The following ALDH1A2 variants were observed in gnomAD, a reference collection of about 807,000 sequenced individuals.
ALDH1A2 encodes the protein aldehyde dehydrogenase 1 family member A2.
Under a neutral mutation model 60.3 loss-of-function variants are expected in ALDH1A2, and 27 were observed. That is an observed-to-expected ratio of 0.45 (90% CI 0.33 to 0.62). The LOEUF is 0.62. Among genes scored for constraint, ALDH1A2 ranks in the 20% least tolerant of loss-of-function variants. The probability of loss-of-function intolerance (pLI) is 0.02; values close to 1 mark genes in which losing one functional copy is unlikely to be tolerated. For synonymous variants in ALDH1A2, 289 were observed against 232.4 expected, an observed-to-expected ratio of 1.24 and a Z score of -2.21; for missense variants, 581 against 643.8, an observed-to-expected ratio of 0.90 and a Z score of 1.06.
At chr15:57,967,072 C>T (rs1012044164) in intron 7 of ALDH1A2, among the ~76,000 whole-genome samples, 1 of 152,158 alleles carries the variant, frequency 6.6e-6, no homozygotes, top group Non-Finnish European at 1.5e-5. Context: ...CTTTCAACTC[C>T]TGCAGTCCCT....
At chr15:57,969,527 G>C (rs1291498462) in intron 7 of ALDH1A2, among the ~76,000 whole-genome samples, 3 of 152,134 alleles carry the variant, frequency 2.0e-5, no homozygotes, top group Non-Finnish European at 4.4e-5. Context: ...CAGGGATACT[G>C]TCCCTCCTGA....
chr15:57,982,410 T>C (rs1894546168), intron 7 of ALDH1A2, among the ~76,000 whole-genome samples: 5 of 152,218 alleles, frequency 3.3e-5, no homozygotes, highest in Admixed American at 3.3e-4. Context: ...AAAGTGATGA[T>C]TTCCTTTAGT....
intron 1 of ALDH1A2, among the ~76,000 whole-genome samples, chr15:58,061,864 T>C (rs1216883527): frequency 2.0e-5 from 3 of 152,140 alleles, no homozygotes; most frequent in African/African-American, 7.2e-5. Context: ...TCATCATCAT[T>C]ATTATTACAT....
At chr15:57,991,994 C>A (rs1894911780) in intron 7 of ALDH1A2, among the ~76,000 whole-genome samples, 1 of 152,048 alleles carries the variant, frequency 6.6e-6, no homozygotes, top group Non-Finnish European at 1.5e-5. Context: ...TCAAATATAC[C>A]CTGCTGTTTT....
At position 58,000,933 on chromosome 15, in the gene ALDH1A2, TTTTA is replaced by T. The variant is rs1330532045; in HGVS notation, c.494-5798_494-5795del. Among the ~76,000 whole-genome samples, 9 of 151,882 alleles carry T rather than the reference TTTTA, an allele frequency of 5.9e-5. No homozygotes were observed. The East Asian group carries it at 1.7e-3, about 30-fold the overall frequency. On this transcript the variant is annotated intron_variant, in intron 4 of 12. Transcript: ENST00000249750. ...TTGCTTCACAGTTGTCTGCCTTCAT[TTTTA>T]TTTATTTTTTGTCTCTCTAATAACT... is the stretch of plus-strand genomic sequence containing the variant.
chr15:57,964,117 C>T (rs778924533), intron 8 of ALDH1A2, 48 bp from the exon 9 acceptor site: 1 of 1,607,500 alleles, frequency 6.2e-7, no homozygotes, highest in Admixed American at 1.7e-5. Context: ...TGGGGAGGGG[C>T]CTGTCTATGA....
chr15:57,999,655 C>T (rs576603349), intron 4 of ALDH1A2, among the ~76,000 whole-genome samples: 3 of 152,082 alleles, frequency 2.0e-5, no homozygotes, highest in Admixed American at 2.0e-4. Flanking sequence ...GACAGTGTGG[C>T]AATTCCTCAA....
intron 1 of ALDH1A2, among the ~76,000 whole-genome samples, chr15:58,061,855 C>T (rs1342728134): frequency 1.3e-5 from 2 of 152,128 alleles, no homozygotes; most frequent in African/African-American, 4.8e-5. Flanking sequence ...TTATAATTAT[C>T]ATCATCATTA....
chr15:57,975,480 A>G (rs1187364826), intron 7 of ALDH1A2, among the ~76,000 whole-genome samples: 1 of 152,188 alleles, frequency 6.6e-6, no homozygotes, highest in East Asian at 1.9e-4. Context: ...CATTATACTT[A>G]CCAGTTGAGC....
chr15:57,984,632 A>ATTC (rs1237956451), intron 7 of ALDH1A2, among the ~76,000 whole-genome samples: 2 of 152,044 alleles, frequency 1.3e-5, no homozygotes, highest in African/African-American at 4.8e-5. Flanking sequence ...TTGTAACTGG[A>ATTC]TTCTTTCATT....
At chr15:57,964,272 G>A in intron 8 of ALDH1A2, 2 of 592,128 alleles carry the variant, frequency 3.4e-6, no homozygotes, top group Non-Finnish European at 6.0e-6. Context: ...ACTTCTTTGG[G>A]TCTCTTTCTT....
At chr15:58,000,202 A>G (rs1338862969) in intron 4 of ALDH1A2, among the ~76,000 whole-genome samples, 1 of 151,938 alleles carries the variant, frequency 6.6e-6, no homozygotes, top group Non-Finnish European at 1.5e-5. Flanking sequence ...CAGAACTAAA[A>G]TAAAATAAAG....
chr15:57,993,074 C>A lies in ALDH1A2; in HGVS notation c.556-1G>T. ...CAAACATCAGCAGGGGGAAGTTCCA[C>A]TGAAAGGAAAAAACTCAAAGTTGAT... On this transcript the variant is annotated splice_acceptor_variant, in intron 5 of 12. Coordinates refer to ENST00000249750, the MANE Select transcript of ALDH1A2 (RefSeq NM_003888.4). LOFTEE classifies it high-confidence loss of function. 6.2e-7 allele frequency: 1 copy of A among 1,612,028 alleles called. No individual in the cohort carries two copies. The highest frequency in any genetic ancestry group is 8.5e-7 in the Non-Finnish European group (1 of 1,179,876).
At chr15:58,027,710 T>C (rs1896117481) in intron 1 of ALDH1A2, among the ~76,000 whole-genome samples, 1 of 152,108 alleles carries the variant, frequency 6.6e-6, no homozygotes, top group Non-Finnish European at 1.5e-5. Flanking sequence ...TTAAATGACC[T>C]GATGGAGCTG....
intron 7 of ALDH1A2, among the ~76,000 whole-genome samples, chr15:57,978,228 T>A (rs1344778547): frequency 6.6e-6 from 1 of 152,234 alleles, no homozygotes; most frequent in Non-Finnish European, 1.5e-5. Context: ...TCCAATACTA[T>A]GCTGAATAGG....
At chr15:58,049,272 T>G (rs1896713474) in intron 1 of ALDH1A2, among the ~76,000 whole-genome samples, 1 of 152,108 alleles carries the variant, frequency 6.6e-6, no homozygotes, top group Non-Finnish European at 1.5e-5. Flanking sequence ...CATGATTTCT[T>G]TATGGGTCAT....
At chr15:57,956,437 G>T (rs1270684286) in intron 12 of ALDH1A2, among the ~76,000 whole-genome samples, 1 of 152,184 alleles carries the variant, frequency 6.6e-6, no homozygotes, top group Non-Finnish European at 1.5e-5. Context: ...ATTCATTCAG[G>T]TTCCTTTTAG....
intron 1 of ALDH1A2, among the ~76,000 whole-genome samples, chr15:58,053,517 T>C (rs186324723): frequency 2.4e-4 from 36 of 152,306 alleles, no homozygotes; most frequent in Admixed American, 1.4e-3. Context: ...GCAAAATGTT[T>C]GGTTTGTTTT....
At chr15:58,040,765 A>G (rs1896501129) in intron 1 of ALDH1A2, among the ~76,000 whole-genome samples, 1 of 152,098 alleles carries the variant, frequency 6.6e-6, no homozygotes, top group Admixed American at 6.6e-5. Flanking sequence ...AAATTGAGCA[A>G]GAGAATAATA....
Sources: gnomAD v4.1 joint callset for allele counts (sites outside exome capture counted in the v4.1 genomes callset) on GRCh38, gnomAD v4.1.1 for gene constraint, MANE v1.5 for transcripts, NCBI Gene and HGNC (gene_info 2026-07-23, HGNC 2026-07-21) for gene names.